Variants in TSPEAR observed in about 807,000 individuals in gnomAD.
TSPEAR encodes thrombospondin-type laminin G domain and EAR repeat-containing protein.
A neutral mutation model predicts 71.6 loss-of-function variants in TSPEAR; 69 were observed. The observed-to-expected ratio is 0.96, with a 90% confidence interval of 0.79 to 1.18. The LOEUF (loss-of-function observed/expected upper bound fraction) is 1.18, where lower values mean the gene tolerates loss of function less well. Ranked by LOEUF, TSPEAR falls within the 50% of genes most tolerant of loss-of-function variation. TSPEAR has a pLI of 0.00. For missense variants in TSPEAR, 971 were observed against 894.9 expected, an observed-to-expected ratio of 1.09 and a Z score of -1.09; for synonymous variants, 402 against 387.2, an observed-to-expected ratio of 1.04 and a Z score of -0.45.
intron 1 of TSPEAR, among the ~76,000 whole-genome samples, chr21:44,641,979 G>A (rs1375478477): frequency 2.0e-5 from 3 of 152,006 alleles, no homozygotes; most frequent in African/African-American, 7.3e-5. Flanking sequence ...AAAATCCACA[G>A]ACACCCATCA....
chr21:44,540,238 G>A (rs1267033227), intron 2 of TSPEAR: 2 of 1,558,092 alleles, frequency 1.3e-6, no homozygotes, highest in Admixed American at 1.8e-5. Context: ...GTGTGTGAGT[G>A]AGTGTGTGAG....
chr21:44,710,171 G>A lies in TSPEAR; in HGVS notation c.82+1262C>T, dbSNP rs775686273. On this transcript the variant is annotated intron_variant, in intron 1 of 11. Coordinates refer to ENST00000323084, the MANE Select transcript of TSPEAR (RefSeq NM_144991.3). The surrounding 1 kb of genome is among the most constrained non-coding windows in gnomAD (Gnocchi z 4.6). ...AAAGGCTGGCGCTGCGCCCTCCATC[G>A]CGTGAAGCCAGGGGATTTTGCTCTG... Among the ~76,000 whole-genome samples the A allele has an allele frequency of 8.5e-5, 13 of 152,160 alleles. No individual in the cohort carries two copies. The highest frequency in any genetic ancestry group is 1.6e-4 in the Non-Finnish European group (11 of 68,036).
intron 1 of TSPEAR, chr21:44,601,075 C>T (rs376445481): frequency 2.5e-6 from 4 of 1,609,728 alleles, no homozygotes; most frequent in Middle Eastern, 1.7e-4. Flanking sequence ...CTCCCCCTGC[C>T]AGCAGGCCTG....
At chr21:44,522,443 C>T (rs911474539) in intron 8 of TSPEAR, among the ~76,000 whole-genome samples, 2 of 152,232 alleles carry the variant, frequency 1.3e-5, no homozygotes, top group Non-Finnish European at 1.5e-5. Flanking sequence ...GGCTCTCCAG[C>T]ATCCCCACAG....
At chr21:44,580,536 C>T (rs1487971619) in intron 1 of TSPEAR, 8 of 1,613,594 alleles carry the variant, frequency 5.0e-6, no homozygotes, top group Non-Finnish European at 5.1e-6. Context: ...CGCCAGGAGT[C>T]AGAGCAAGCG....
In TSPEAR at chr21:44,499,889, A is replaced by G; in HGVS notation, c.1904T>C (p.Val635Ala). The change falls in exon 12 of 12, where the codon GTC becomes GCC. Residue 635 changes from valine to alanine, a missense_variant. Transcript: ENST00000323084. ...GFVAVHSLPT[V>A]GCRDWEAFST... ...GAAGGCCTCCCAGTCCCTGCAGCCG[A>G]CGGTGGGGAGGCTGTGCACCGCCAC... The G allele has an allele frequency of 6.2e-7, 1 of 1,607,700 alleles. No individual in the cohort carries two copies. The highest frequency in any genetic ancestry group is 1.1e-5 in the South Asian group (1 of 90,274).
chr21:44,539,780 T>C, intron 2 of TSPEAR: 1 of 1,611,138 alleles, frequency 6.2e-7, no homozygotes, highest in East Asian at 2.2e-5. Context: ...GCAGCTAGAC[T>C]GCTGGCAGCA....
At position 44,593,929 on chromosome 21, in the gene TSPEAR, G is replaced by A. The variant is rs1980179351; in HGVS notation, c.83-25924C>T. On this transcript the variant is annotated intron_variant, in intron 1 of 11. Coordinates refer to ENST00000323084, the MANE Select transcript of TSPEAR (RefSeq NM_144991.3). The surrounding 1 kb of genome is among the most constrained non-coding windows in gnomAD (Gnocchi z 5.9). ...CACAGCTCTGACTGGGCAGGAGACT[G>A]ACTTCAGGAACCTCCTCCTGATAAG... is the stretch of plus-strand genomic sequence containing the variant. Among the ~76,000 whole-genome samples, 1 of 152,228 alleles carries A rather than the reference G, an allele frequency of 6.6e-6. No individual in the cohort carries two copies. The highest frequency in any genetic ancestry group is 1.5e-5 in the Non-Finnish European group (1 of 68,040).
chr21:44,667,122 T>C (rs1985827729), intron 1 of TSPEAR, among the ~76,000 whole-genome samples: 1 of 152,260 alleles, frequency 6.6e-6, no homozygotes, highest in Admixed American at 6.5e-5. Flanking sequence ...ACTCTTGGTA[T>C]GCTTGGAAAC....
chr21:44,605,551 A>G (rs990757747), intron 1 of TSPEAR, among the ~76,000 whole-genome samples: 9 of 152,226 alleles, frequency 5.9e-5, no homozygotes, highest in Admixed American at 5.2e-4. Flanking sequence ...TAATTTCAAA[A>G]TACTTTAAAG....
intron 1 of TSPEAR, among the ~76,000 whole-genome samples, chr21:44,603,860 A>T (rs1981141012): frequency 6.6e-6 from 1 of 152,246 alleles, no homozygotes; most frequent in Non-Finnish European, 1.5e-5. Flanking sequence ...CATTAGAGAA[A>T]ATACTGACAA....
intron 2 of TSPEAR, among the ~76,000 whole-genome samples, chr21:44,562,733 A>G (rs1452386349): frequency 6.6e-6 from 1 of 152,034 alleles, no homozygotes; most frequent in Non-Finnish European, 1.5e-5. Flanking sequence ...GTGCTCAAAG[A>G]AAAAAAAGTC....
chr21:44,568,142 G>A (rs1353653468), intron 1 of TSPEAR, 137 bp from the exon 2 acceptor site: 1 of 524,914 alleles, frequency 1.9e-6, no homozygotes, highest in Non-Finnish European at 3.0e-6. Flanking sequence ...GTGAACCAAG[G>A]TTATCTCTGT....
Position 44,528,625 on chromosome 21 carries a change from G to A in TSPEAR, c.791-42C>T, listed in dbSNP as rs782094929. The A allele has an allele frequency of 7.5e-6, 12 of 1,607,582 alleles. No individual in the cohort carries two copies. The Admixed American group carries it at 1.0e-4, about 14-fold the overall frequency. The stretch of plus-strand genomic sequence containing the variant: ...GAAGATGAGTTTCCAGCAAGCCAGT[G>A]CCCCCAAAGGAAGACGACACAGGAA... On this transcript the variant is annotated intron_variant, in intron 5 of 11. Transcript: ENST00000323084.
rs1456042257 is a variant in TSPEAR at position 44,628,156 on chromosome 21, C to A, written c.83-60151G>T. 8.6e-6 allele frequency: 12 copies of A among 1,388,670 alleles called. No individual in the cohort carries two copies. In the Admixed American group the frequency reaches 2.0e-4, roughly 23 times the overall value. 86.0% of individuals were successfully genotyped at this position (1,388,670 alleles called of 1,614,324 possible). A position where few individuals can be genotyped will look rare whatever the true frequency, so the allele number is the denominator to read the frequency against. ...GCACAGCTCAACACAGAAGGAGCAG[C>A]CCCAGCCACAGCCGCCCAGCCCCGG... is the stretch of plus-strand genomic sequence containing the variant. On this transcript the variant is annotated intron_variant, in intron 1 of 11. Transcript: ENST00000323084.
At chr21:44,514,972 G>A (rs2052514400) in intron 9 of TSPEAR, among the ~76,000 whole-genome samples, 1 of 152,092 alleles carries the variant, frequency 6.6e-6, no homozygotes, top group African/African-American at 2.4e-5. Flanking sequence ...CGCCCACCCT[G>A]TGTTTCTGGG....
chr21:44,604,792 C>T (rs1555929573), intron 1 of TSPEAR, among the ~76,000 whole-genome samples: 2 of 152,294 alleles, frequency 1.3e-5, no homozygotes, highest in Middle Eastern at 3.4e-3. Flanking sequence ...GAGTTTTAAT[C>T]ATGAATGAAT....
At chr21:44,637,597 C>T (rs782317035) in intron 1 of TSPEAR, 9 of 1,613,916 alleles carry the variant, frequency 5.6e-6, no homozygotes, top group East Asian at 2.2e-5. Flanking sequence ...GTGAGCCCAG[C>T]GCCTGCCAAT....
At chr21:44,534,058 G>T in intron 2 of TSPEAR, 135 bp from the exon 3 acceptor site, 1 of 656,488 alleles carries the variant, frequency 1.5e-6, no homozygotes, top group Non-Finnish European at 2.7e-6. Flanking sequence ...GCGAGGTGAG[G>T]GGGCGCGGTG....
Sources: allele counts gnomAD v4.1 joint callset (sites outside exome capture counted in the v4.1 genomes callset), GRCh38; gene constraint gnomAD v4.1.1; non-coding constraint Gnocchi (gnomAD v3.1); transcripts MANE v1.5; gene names NCBI Gene and HGNC (gene_info 2026-07-23, HGNC 2026-07-21).